PTPRG: variants seen among roughly 807,000 people sequenced by gnomAD.
PTPRG encodes the protein protein tyrosine phosphatase receptor type G.
PTPRG carries 102 observed loss-of-function variants against 165.3 expected under a neutral mutation model. The observed-to-expected ratio is 0.62, with a 90% CI of 0.53 to 0.73. PTPRG has a LOEUF of 0.73. Among genes scored for constraint, PTPRG ranks in the 30% least tolerant of loss-of-function variants. The pLI is 0.00. For synonymous variants in PTPRG, 675 were observed against 669.5 expected (o/e 1.01, Z -0.13); for missense variants, 1,866 against 1,861.4 (o/e 1.00, Z -0.05).
chr3:61,878,285 G>C (rs1362887985), intron 2 of PTPRG, among the ~76,000 whole-genome samples: 1 of 152,166 alleles, frequency 6.6e-6, no homozygotes, highest in Admixed American at 6.5e-5. Flanking sequence ...ACACAATAGC[G>C]ATAGTAAATA....
At chr3:61,849,820 G>A (rs1403524485) in intron 2 of PTPRG, among the ~76,000 whole-genome samples, 1 of 152,200 alleles carries the variant, frequency 6.6e-6, no homozygotes, top group East Asian at 1.9e-4. Flanking sequence ...GGGAGCCATC[G>A]TTCCATAACT....
At chr3:61,986,152 A>C (rs1201180226) in intron 2 of PTPRG, among the ~76,000 whole-genome samples, 2 of 152,182 alleles carry the variant, frequency 1.3e-5, no homozygotes, top group African/African-American at 4.8e-5. Flanking sequence ...CATCATATTA[A>C]AGAGTGGAAC....
chr3:62,002,269 G>A (rs1490938216), intron 3 of PTPRG, among the ~76,000 whole-genome samples: 1 of 152,216 alleles, frequency 6.6e-6, no homozygotes, highest in East Asian at 1.9e-4. Flanking sequence ...AGGATTTCTC[G>A]CTAAAGCTCT....
chr3:62,243,991 C>A, intron 15 of PTPRG, 93 bp downstream of exon 15: 1 of 740,802 alleles, frequency 1.3e-6, no homozygotes, highest in South Asian at 2.0e-5. Flanking sequence ...TATTTTATAG[C>A]CTTTTAAAGC....
rs982627320 is a variant in PTPRG at position 62,217,249 on chromosome 3, G to T, written c.2156-1602G>T. 1.3e-5 allele frequency among the ~76,000 whole-genome samples: 2 copies of T among 152,182 alleles called. No homozygotes were observed. The highest frequency in any genetic ancestry group is 4.8e-5 in the African/African-American group (2 of 41,448). On this transcript the variant is annotated intron_variant, in intron 12 of 29. Transcript: ENST00000474889. This position sits in a 1 kb window ranked among gnomAD's most constrained non-coding sequence, Gnocchi z 4.3. The stretch of plus-strand genomic sequence containing the variant: ...ATAAATGGCAAAGTGCTCTGTGGAG[G>T]TTTTTAATCAGAGTGTGCTGCACCT...
intron 2 of PTPRG, among the ~76,000 whole-genome samples, chr3:61,826,902 G>A (rs1195398158): frequency 6.7e-6 from 1 of 150,304 alleles, no homozygotes; most frequent in Non-Finnish European, 1.5e-5. Context: ...GGTGATTGAA[G>A]TAGTAATTAC....
At chr3:61,623,636 T>C (rs2106908417) in intron 1 of PTPRG, among the ~76,000 whole-genome samples, 1 of 152,278 alleles carries the variant, frequency 6.6e-6, no homozygotes, top group Non-Finnish European at 1.5e-5. Context: ...TGATATTATC[T>C]AAAATTGGGA....
At chr3:62,253,293 T>C (rs1395801562) in intron 15 of PTPRG, among the ~76,000 whole-genome samples, 1 of 152,180 alleles carries the variant, frequency 6.6e-6, no homozygotes, top group Non-Finnish European at 1.5e-5. Flanking sequence ...TTCTAAACTA[T>C]CATTGTCGTA....
intron 1 of PTPRG, among the ~76,000 whole-genome samples, chr3:61,565,939 G>A (rs376031314): frequency 3.8e-4 from 58 of 151,756 alleles, no homozygotes; most frequent in African/African-American, 1.4e-3. Context: ...GATTGTACAG[G>A]TTTTTTTTCC....
chr3:61,632,026 T>A (rs1310074913), intron 1 of PTPRG, among the ~76,000 whole-genome samples: 1 of 152,132 alleles, frequency 6.6e-6, no homozygotes, highest in Non-Finnish European at 1.5e-5. Flanking sequence ...TATAGTCAGC[T>A]GGGTGCCGTG....
intron 2 of PTPRG, among the ~76,000 whole-genome samples, chr3:61,972,327 A>C (rs943875481): frequency 2.9e-4 from 44 of 152,346 alleles, no homozygotes; most frequent in African/African-American, 9.4e-4. Context: ...ATTTGGGCAG[A>C]GGCCAGATGT....
intron 5 of PTPRG, among the ~76,000 whole-genome samples, chr3:62,100,387 G>A (rs1388267380): frequency 6.6e-6 from 1 of 152,040 alleles, no homozygotes; most frequent in Non-Finnish European, 1.5e-5. Context: ...AAGTAAATAA[G>A]CAGGAGCCGT....
At chr3:61,804,481 C>T (rs1054046314) in intron 2 of PTPRG, among the ~76,000 whole-genome samples, 1 of 152,178 alleles carries the variant, frequency 6.6e-6, no homozygotes, top group Admixed American at 6.5e-5. Context: ...CCGGAACCTT[C>T]TTTATTCCAA....
At chr3:61,763,913 T>C (rs1409213212) in intron 2 of PTPRG, among the ~76,000 whole-genome samples, 1 of 152,174 alleles carries the variant, frequency 6.6e-6, no homozygotes, top group Non-Finnish European at 1.5e-5. Context: ...TGAAATAAAA[T>C]TTAAGATTCA....
At chr3:61,858,861 G>C (rs1008069519) in intron 2 of PTPRG, among the ~76,000 whole-genome samples, 1 of 152,148 alleles carries the variant, frequency 6.6e-6, no homozygotes, top group Non-Finnish European at 1.5e-5. Context: ...TAGCATAAGA[G>C]ACTAGTTTAT....
chr3:61,824,297 T>G (rs1325191284), intron 2 of PTPRG, among the ~76,000 whole-genome samples: 1 of 152,234 alleles, frequency 6.6e-6, no homozygotes, highest in Admixed American at 6.5e-5. Context: ...TATGTTAATT[T>G]TGACTGAGAA....
chr3:62,053,548 T>C (rs1475867193), intron 4 of PTPRG, among the ~76,000 whole-genome samples: 1 of 152,206 alleles, frequency 6.6e-6, no homozygotes, highest in Non-Finnish European at 1.5e-5. Flanking sequence ...ATTACAGGCA[T>C]GAGCCATCAT....
chr3:61,581,715 T>C (rs2106798285), intron 1 of PTPRG, among the ~76,000 whole-genome samples: 1 of 151,720 alleles, frequency 6.6e-6, no homozygotes, highest in Non-Finnish European at 1.5e-5. Flanking sequence ...GTTCAAGTGA[T>C]TCTCATGCCT....
Position 62,061,818 on chromosome 3 carries a change from C to T in PTPRG, c.520-16345C>T, listed in dbSNP as rs1213853376. 3.3e-5 allele frequency among the ~76,000 whole-genome samples: 5 copies of T among 151,310 alleles called. No homozygotes were observed. In the East Asian group the frequency reaches 6.1e-4, roughly 18 times the overall value. Reference sequence around the variant, plus strand: ...TTAATTTTTGTATTTTTAGTAGAGACGGGGTTTCACCACGTTGGCCAGGCT... The same window carrying T: ...TTAATTTTTGTATTTTTAGTAGAGATGGGGTTTCACCACGTTGGCCAGGCT... On this transcript the variant is annotated intron_variant, in intron 4 of 29. Coordinates refer to ENST00000474889, the MANE Select transcript of PTPRG (RefSeq NM_002841.4).
Sources: gnomAD v4.1 joint callset for allele counts (sites outside exome capture counted in the v4.1 genomes callset) on GRCh38, gnomAD v4.1.1 for gene constraint, Gnocchi (gnomAD v3.1) non-coding constraint, MANE v1.5 for transcripts, NCBI Gene and HGNC (gene_info 2026-07-23, HGNC 2026-07-21) for gene names.